UBE3C: variants seen among roughly 807,000 people sequenced by gnomAD.
The protein encoded by UBE3C is ubiquitin protein ligase E3C, also known as ubiquitin-protein ligase E3C.
Under a neutral mutation model 129.4 loss-of-function variants are expected in UBE3C, and 42 were observed. The observed-to-expected ratio is 0.32, with a 90% CI of 0.25 to 0.42. The LOEUF (loss-of-function observed/expected upper bound fraction) is 0.42, where lower values mean the gene tolerates loss of function less well. UBE3C is among the 10% of genes least tolerant of loss of function. UBE3C has a pLI of 1.00. For missense variants in UBE3C, 1,049 were observed against 1,319.1 expected (o/e 0.80, Z 3.17); for synonymous variants, 510 against 492.4 (o/e 1.04, Z -0.47).
Position 157,175,137 on chromosome 7 carries a change from CTTTTT to C in UBE3C, c.458+120_458+124del, listed in dbSNP as rs56852731. 6.1e-3 allele frequency: 1,538 copies of C among 252,440 alleles called. 3 individuals are homozygous for C. Among genetic ancestry groups the C allele is most frequent in the African/African-American group, 6.8e-3 (164 of 24,230 alleles). 15.6% of individuals were successfully genotyped at this position (252,440 alleles called of 1,614,324 possible). ...TTTCAGAGACAGTGGCTTTTCCATA[CTTTTT>C]TTTTTTTTTTTTTTTTGAGGTCATG... On this transcript the variant is annotated intron_variant, in intron 5 of 22. Transcript: ENST00000348165.
intron 17 of UBE3C, among the ~76,000 whole-genome samples, chr7:157,230,396 A>G (rs1049909596): frequency 1.3e-4 from 13 of 96,684 alleles, no homozygotes; most frequent in East Asian, 4.8e-4. Context: ...TAAGCTTTTG[A>G]AAAAAAAAAA....
At chr7:157,257,470 T>C (rs556036273) in intron 22 of UBE3C, among the ~76,000 whole-genome samples, 15 of 152,340 alleles carry the variant, frequency 9.8e-5, no homozygotes, top group South Asian at 8.3e-4. Context: ...TCTTACGTAA[T>C]TTGGCTTATT....
chr7:157,178,402 T>C (rs573087704), intron 5 of UBE3C, among the ~76,000 whole-genome samples: 1 of 152,264 alleles, frequency 6.6e-6, no homozygotes, highest in South Asian at 2.1e-4. Flanking sequence ...TCTTACAGTG[T>C]TTTGTAATCT....
intron 1 of UBE3C, among the ~76,000 whole-genome samples, chr7:157,146,608 T>G (rs1005464477): frequency 1.3e-5 from 2 of 152,182 alleles, no homozygotes; most frequent in African/African-American, 4.8e-5. Context: ...CCATCTTGAT[T>G]ACTGTAACAG....
intron 19 of UBE3C, among the ~76,000 whole-genome samples, chr7:157,253,560 T>C (rs1240683627): frequency 2.6e-5 from 4 of 152,224 alleles, no homozygotes; most frequent in Admixed American, 2.6e-4. Context: ...ATCACTTTAC[T>C]ACAGCCTTTG....
At chr7:157,196,364 T>C (rs1409619719) in intron 10 of UBE3C, among the ~76,000 whole-genome samples, 1 of 152,210 alleles carries the variant, frequency 6.6e-6, no homozygotes, top group East Asian at 1.9e-4. Context: ...TAACCAGAAG[T>C]GATAACTAAG....
rs1395962438 is a variant in UBE3C at position 157,171,678 on chromosome 7, ATATATATATTTTTTTTTTTTTT to A, written c.342+1230_342+1251del. ...AAATATTTTATATATATATATATAT[ATATATATATTTTTTTTTTTTTT>A]TTTTTTTTTTTTTTTTTTTTTTTTG... On this transcript the variant is annotated intron_variant, in intron 4 of 22. Transcript: ENST00000348165. Among the ~76,000 whole-genome samples, 148 of 32,138 alleles carry A rather than the reference ATATATATATTTTTTTTTTTTTT, an allele frequency of 4.6e-3. 3 individuals carry two copies. Among genetic ancestry groups the A allele is most frequent in the African/African-American group, 0.012 (136 of 11,550 alleles). The allele number at this position is 32,138 out of a possible 152,430, so 21.1% of individuals were successfully genotyped here. A position where few individuals can be genotyped will look rare whatever the true frequency, so the allele number is the denominator to read the frequency against.
intron 1 of UBE3C, among the ~76,000 whole-genome samples, chr7:157,142,260 C>T (rs1471363614): frequency 3.3e-5 from 5 of 151,416 alleles, no homozygotes; most frequent in Non-Finnish European, 7.4e-5. Context: ...TGAAATCTTC[C>T]CTTTCTGGAG....
rs544180106 is a variant in UBE3C, at chr7:157,217,757, A to C, written c.1914+786A>C. On this transcript the variant is annotated intron_variant, in intron 14 of 22. Coordinates refer to ENST00000348165, the MANE Select transcript of UBE3C (RefSeq NM_014671.3). ...GAGGCTAAGGCAGGAGAATCACTTG[A>C]ACCTGGGAGACAGAGGTTGCAGTGA... 4.6e-5 allele frequency among the ~76,000 whole-genome samples: 7 copies of C among 152,212 alleles called. No individual in the cohort carries two copies. The South Asian group carries it at 1.5e-3, about 32-fold the overall frequency.
In UBE3C at chr7:157,156,300, C is replaced by CTTTTT. The variant is rs1173730075; in HGVS notation, c.67-7490_67-7486dup. On this transcript the variant is annotated intron_variant, in intron 1 of 22. Transcript: ENST00000348165. The stretch of plus-strand genomic sequence containing the variant: ...ACCTCCACTCCTCACACCCCCAGTT[C>CTTTTT]TTTTTTTTTTTTTTTTTTTTTTTTG... 2.4e-3 allele frequency among the ~76,000 whole-genome samples: 209 copies of CTTTTT among 85,852 alleles called. 2 individuals carry two copies. The highest frequency in any genetic ancestry group is 3.1e-3 in the Non-Finnish European group (144 of 46,028). 56.3% of individuals were successfully genotyped at this position (85,852 alleles called of 152,430 possible). A position where few individuals can be genotyped will look rare whatever the true frequency, so the allele number is the denominator to read the frequency against.
At chr7:157,143,771 A>G (rs1477801517) in intron 1 of UBE3C, among the ~76,000 whole-genome samples, 1 of 152,114 alleles carries the variant, frequency 6.6e-6, no homozygotes, top group East Asian at 1.9e-4. Context: ...CAGGCACAGG[A>G]AGGAGTCTAG....
intron 1 of UBE3C, among the ~76,000 whole-genome samples, chr7:157,146,211 C>G (rs1286732290): frequency 6.6e-6 from 1 of 151,910 alleles, no homozygotes; most frequent in African/African-American, 2.4e-5. Context: ...GCTCCTTTGT[C>G]AAAGATCAGT....
intron 17 of UBE3C, 105 bp downstream of exon 17, chr7:157,225,644 A>G (rs1795854742): frequency 1.1e-5 from 14 of 1,318,656 alleles, no homozygotes; most frequent in African/African-American, 1.5e-5. Context: ...TTGTTCCATA[A>G]TGACTTAAAA....
At chr7:157,235,242 C>G (rs1028430556) in intron 18 of UBE3C, among the ~76,000 whole-genome samples, 4 of 152,082 alleles carry the variant, frequency 2.6e-5, no homozygotes, top group Admixed American at 6.5e-5. Flanking sequence ...TCCCTTAGTT[C>G]TTTCTGTTAA....
At chr7:157,242,627 G>A (rs935315418) in intron 18 of UBE3C, among the ~76,000 whole-genome samples, 22 of 151,220 alleles carry the variant, frequency 1.5e-4, no homozygotes, top group Non-Finnish European at 3.1e-4. Context: ...GGGAATATGG[G>A]TTTGCTACTT....
chr7:157,165,742 A>T (rs751557336), intron 2 of UBE3C, among the ~76,000 whole-genome samples: 12 of 151,966 alleles, frequency 7.9e-5, no homozygotes, highest in Non-Finnish European at 1.6e-4. Context: ...AGTTTTTGTT[A>T]TTTCAGTTCT....
chr7:157,226,339 G>A (rs1055836097), intron 17 of UBE3C, among the ~76,000 whole-genome samples: 7 of 152,080 alleles, frequency 4.6e-5, no homozygotes, highest in African/African-American at 9.7e-5. Context: ...ACGTTTCGTC[G>A]TATGTTCATA....
intron 1 of UBE3C, 83 bp from the exon 2 acceptor site, chr7:157,163,727 G>A: frequency 1.4e-6 from 2 of 1,453,984 alleles, no homozygotes; most frequent in South Asian, 2.4e-5. Context: ...CTTTTTTTGG[G>A]TGAAAACATT....
intron 4 of UBE3C, among the ~76,000 whole-genome samples, chr7:157,171,345 C>T (rs1380836234): frequency 6.6e-6 from 1 of 151,976 alleles, no homozygotes; most frequent in East Asian, 1.9e-4. Flanking sequence ...CCAGGCTAGC[C>T]TCCAACTCCT....
Sources: gnomAD v4.1 joint callset for allele counts (sites outside exome capture counted in the v4.1 genomes callset) on GRCh38, gnomAD v4.1.1 for gene constraint, MANE v1.5 for transcripts, NCBI Gene and HGNC (gene_info 2026-07-23, HGNC 2026-07-21) for gene names.